CCDC85A: variants seen among roughly 807,000 people sequenced by gnomAD.
CCDC85A encodes coiled-coil domain-containing protein 85A.
In CCDC85A, 38 loss-of-function variants were observed where a neutral mutation model predicts 50.2. That is an observed-to-expected ratio of 0.76 (90% confidence interval 0.58 to 0.99). The LOEUF (loss-of-function observed/expected upper bound fraction) is 0.99. Ranked by LOEUF, CCDC85A falls within the 50% of genes least tolerant of loss-of-function variation. The pLI is 0.00. For missense variants in CCDC85A, 820 were observed against 742.0 expected (o/e 1.11, Z -1.22); for synonymous variants, 366 against 301.4 (o/e 1.21, Z -2.22).
chr2:56,226,913 A>G (rs2216323), intron 2 of CCDC85A, among the ~76,000 whole-genome samples: 127,855 of 152,044 alleles, frequency 0.84, 53,826 homozygotes, highest in African/African-American at 0.85. Flanking sequence ...CTTTTTCTTT[A>G]TTCTAGAAAT....
At chr2:56,323,347 T>C (rs1451581660) in intron 2 of CCDC85A, among the ~76,000 whole-genome samples, 3 of 152,058 alleles carry the variant, frequency 2.0e-5, no homozygotes, top group Admixed American at 2.0e-4. Context: ...AGACAGAATT[T>C]AGCTTCTGAA....
intron 2 of CCDC85A, among the ~76,000 whole-genome samples, chr2:56,256,380 C>A (rs796112975): frequency 3.3e-5 from 5 of 152,268 alleles, no homozygotes; most frequent in African/African-American, 1.2e-4. Context: ...TGTCAGAAAT[C>A]TGCTTATTAT....
intron 2 of CCDC85A, among the ~76,000 whole-genome samples, chr2:56,248,572 TTC>T (rs996046338): frequency 3.6e-4 from 55 of 152,320 alleles, no homozygotes; most frequent in African/African-American, 1.3e-3. Flanking sequence ...CCTGGGGTGC[TTC>T]TGTTTTAACA....
At chr2:56,275,585 T>A (rs1377747381) in intron 2 of CCDC85A, among the ~76,000 whole-genome samples, 1 of 152,120 alleles carries the variant, frequency 6.6e-6, no homozygotes, top group East Asian at 1.9e-4. Flanking sequence ...TGGCAAAGAG[T>A]GAAAAATGGA....
At chr2:56,302,108 T>C (rs1169407743) in intron 2 of CCDC85A, among the ~76,000 whole-genome samples, 10 of 151,306 alleles carry the variant, frequency 6.6e-5, no homozygotes, top group African/African-American at 2.4e-4. Flanking sequence ...ATACAAAAAT[T>C]ACCCGGGCCT....
At position 56,192,952 on chromosome 2, in the gene CCDC85A, ACAGGAG is replaced by A. The variant is rs768887064; in HGVS notation, c.754_759del (p.Arg252_Ser253del). On this transcript the variant is annotated inframe_deletion, in exon 2 of 6. Transcript: ENST00000407595. This position sits in a 1 kb window ranked among gnomAD's most constrained non-coding sequence, Gnocchi z 4.7. ...GAGGGCAGCCCGGAGCACTCCAAGCACAGGAGCGCCAGCCCCGAGCATCCACAGAAA... is the reference window on the plus strand; with the variant it reads ...GAGGGCAGCCCGGAGCACTCCAAGCACGCCAGCCCCGAGCATCCACAGAAA... 5.6e-6 allele frequency: 9 copies of A among 1,613,172 alleles called. No individual in the cohort carries two copies. Among genetic ancestry groups the A allele is most frequent in the Non-Finnish European group, 7.6e-6 (9 of 1,179,712 alleles).
intron 2 of CCDC85A, among the ~76,000 whole-genome samples, chr2:56,303,380 T>G (rs1475175224): frequency 1.3e-5 from 2 of 152,152 alleles, no homozygotes; most frequent in Non-Finnish European, 2.9e-5. Context: ...TTGTTATTTT[T>G]CTCTCTCTTG....
chr2:56,298,720 T>G (rs1476832503), intron 2 of CCDC85A, among the ~76,000 whole-genome samples: 1 of 152,136 alleles, frequency 6.6e-6, no homozygotes, highest in Non-Finnish European at 1.5e-5. Context: ...GATCGGAGAA[T>G]AGGTGGGAAT....
chr2:56,248,283 G>T lies in CCDC85A; in HGVS notation c.1240+54843G>T, dbSNP rs190196860. Among the ~76,000 whole-genome samples, 214 of 152,290 alleles carry T rather than the reference G, an allele frequency of 1.4e-3. 1 individual carries two copies. Among genetic ancestry groups the T allele is most frequent in the African/African-American group, 4.8e-3 (200 of 41,564 alleles). On this transcript the variant is annotated intron_variant, in intron 2 of 5. Coordinates refer to ENST00000407595, the MANE Select transcript of CCDC85A (RefSeq NM_001080433.2). ...TCTGGGGTTGGCTGGCTCTGGAACGGTCTCCCTTGGTTGGGTCTCCAGCCT... is the reference window on the plus strand; with the variant it reads ...TCTGGGGTTGGCTGGCTCTGGAACGTTCTCCCTTGGTTGGGTCTCCAGCCT...
intron 2 of CCDC85A, among the ~76,000 whole-genome samples, chr2:56,203,072 G>T (rs1037406080): frequency 6.6e-6 from 1 of 152,190 alleles, no homozygotes; most frequent in South Asian, 2.1e-4. Flanking sequence ...TGTGTGTGTT[G>T]TTAATGGTCT....
At chr2:56,285,143 C>A (rs540016337) in intron 2 of CCDC85A, among the ~76,000 whole-genome samples, 1 of 151,408 alleles carries the variant, frequency 6.6e-6, no homozygotes, top group African/African-American at 2.4e-5. Context: ...ACTCTGTCGC[C>A]CAGGCTGGAG....
intron 4 of CCDC85A, among the ~76,000 whole-genome samples, chr2:56,374,057 A>T (rs1284322005): frequency 6.6e-6 from 1 of 152,222 alleles, no homozygotes; most frequent in Non-Finnish European, 1.5e-5. Context: ...TGGTTTATAA[A>T]TACAGGAAAA....
Position 56,184,530 on chromosome 2 carries a change from ACAGGGGTGTGGGCGGAGGCG to A in CCDC85A, c.-94_-75del. The A allele has an allele frequency of 7.9e-7, 1 of 1,273,248 alleles. No homozygotes were observed. Among genetic ancestry groups the A allele is most frequent in the Non-Finnish European group, 1.0e-6 (1 of 1,000,602 alleles). 78.9% of individuals were successfully genotyped at this position (1,273,248 alleles called of 1,614,324 possible). On this transcript the variant is annotated 5_prime_UTR_variant, in exon 1 of 6. Coordinates refer to ENST00000407595, the MANE Select transcript of CCDC85A (RefSeq NM_001080433.2). The stretch of plus-strand genomic sequence containing the variant: ...CGGTGCCGCTGACTCGCCGGAGCGC[ACAGGGGTGTGGGCGGAGGCG>A]GCCTCGCCGCGCCCGCGCCTTCGGG...
intron 2 of CCDC85A, among the ~76,000 whole-genome samples, chr2:56,323,879 A>G (rs1673340364): frequency 1.3e-5 from 2 of 152,122 alleles, no homozygotes; most frequent in Middle Eastern, 3.2e-3. Context: ...ACCCCCACAT[A>G]GAGAACAAAT....
Position 56,372,397 on chromosome 2 carries a change from A to C in CCDC85A, c.1371A>C (p.Lys457Asn). Residue 457 changes from lysine (K) to asparagine (N), a missense_variant, in exon 4 of 6, where the codon AAA (lysine) becomes AAC (asparagine). Coordinates refer to ENST00000407595, the MANE Select transcript of CCDC85A (RefSeq NM_001080433.2). ...CTAGAAACAGCTCAAATATGGAGAAAGGCTGGGGGTCCAGAGCCCGGCGGG... is the reference window on the plus strand; with the variant it reads ...CTAGAAACAGCTCAAATATGGAGAACGGCTGGGGGTCCAGAGCCCGGCGGG... ...PPTRNSSNME[K>N]GWGSRARRVL... The C allele has an allele frequency of 6.2e-7, 1 of 1,602,234 alleles. No homozygotes were observed. Among genetic ancestry groups the C allele is most frequent in the Non-Finnish European group, 8.5e-7 (1 of 1,174,120 alleles).
chr2:56,333,597 G>A (rs1673921703), intron 2 of CCDC85A, among the ~76,000 whole-genome samples: 1 of 152,130 alleles, frequency 6.6e-6, no homozygotes, highest in Admixed American at 6.5e-5. Flanking sequence ...TGGCTGCCAT[G>A]GGTTTGGAAT....
At chr2:56,342,274 A>C (rs1303851756) in intron 2 of CCDC85A, among the ~76,000 whole-genome samples, 2 of 152,138 alleles carry the variant, frequency 1.3e-5, no homozygotes, top group Admixed American at 1.3e-4. Flanking sequence ...GATTTGTGGA[A>C]AACGATTTGA....
intron 2 of CCDC85A, among the ~76,000 whole-genome samples, chr2:56,275,637 G>C (rs1055029026): frequency 2.0e-5 from 3 of 152,210 alleles, no homozygotes; most frequent in Admixed American, 1.3e-4. Context: ...TACTGAGCCT[G>C]AATACAGGGA....
In CCDC85A at chr2:56,193,099, G is replaced by C. The variant is rs763722263; in HGVS notation, c.899G>C (p.Ser300Thr). The C allele has an allele frequency of 8.1e-6, 13 of 1,613,904 alleles. No homozygotes were observed. The highest frequency in any genetic ancestry group is 1.1e-5 in the Non-Finnish European group (13 of 1,179,884). The part of the protein sequence containing the change: ...PEQQRHPHPG[S>T]SPETLPKHVL... ...CAGCAAAGGCACCCGCATCCAGGGA[G>C]CAGCCCCGAAACGCTGCCCAAGCAC... Residue 300 changes from serine (S) to threonine (T), a missense_variant, in exon 2 of 6, where the codon AGC (serine) becomes ACC (threonine). Physicochemically the swap from Ser to Thr is moderately conservative, Grantham distance 58 (BLOSUM62 1). Transcript: ENST00000407595.
Sources: allele counts gnomAD v4.1 joint callset (sites outside exome capture counted in the v4.1 genomes callset), GRCh38; gene constraint gnomAD v4.1.1; non-coding constraint Gnocchi (gnomAD v3.1); transcripts MANE v1.5; gene names NCBI Gene and HGNC (gene_info 2026-07-23, HGNC 2026-07-21).